The following RERE variants were observed in gnomAD, a reference collection of about 807,000 sequenced individuals.
RERE encodes the protein arginine-glutamic acid dipeptide repeats, also known as arginine-glutamic acid dipeptide repeats protein.
A neutral mutation model predicts 146.1 loss-of-function variants in RERE; 40 were observed. The observed-to-expected ratio is 0.27, with a 90% CI of 0.21 to 0.36. RERE has a LOEUF of 0.36. Ranked by LOEUF, RERE falls within the 10% of genes least tolerant of loss-of-function variation. RERE has a pLI of 1.00. For missense variants in RERE, 1,933 were observed against 2,138.7 expected (o/e 0.90, Z 1.90); for synonymous variants, 1,003 against 866.0 (o/e 1.16, Z -2.78).
chr1:8,723,878 T>C (rs1639908163), intron 1 of RERE, among the ~76,000 whole-genome samples: 1 of 152,170 alleles, frequency 6.6e-6, no homozygotes, highest in African/African-American at 2.4e-5. Context: ...GTATAAATCA[T>C]TAGGTGGGGA....
chr1:8,781,727 C>T (rs1641169333), intron 1 of RERE, among the ~76,000 whole-genome samples: 1 of 150,464 alleles, frequency 6.6e-6, no homozygotes. Flanking sequence ...AAATAGATTT[C>T]CAAAAATGTA....
At chr1:8,428,544 C>T (rs190220614) in intron 11 of RERE, 7 of 152,178 alleles carry the variant, frequency 4.6e-5, no homozygotes, top group African/African-American at 1.4e-4. Context: ...AGTTACCTAC[C>T]TACAAGTCCC....
At chr1:8,419,747 G>A (rs192819277) in intron 12 of RERE, among the ~76,000 whole-genome samples, 2 of 152,204 alleles carry the variant, frequency 1.3e-5, no homozygotes, top group East Asian at 3.9e-4. Context: ...TTTTACAAAC[G>A]CAGAAATTAA....
intron 1 of RERE, among the ~76,000 whole-genome samples, chr1:8,804,679 A>C (rs904853026): frequency 6.6e-6 from 1 of 152,232 alleles, no homozygotes; most frequent in Non-Finnish European, 1.5e-5. Context: ...GAGTGTGCCC[A>C]GCTTTTGCCT....
At chr1:8,741,780 G>A (rs1391081806) in intron 1 of RERE, among the ~76,000 whole-genome samples, 2 of 152,140 alleles carry the variant, frequency 1.3e-5, no homozygotes, top group Admixed American at 1.3e-4. Context: ...AATATAAGGG[G>A]AAGCATTTTA....
chr1:8,801,745 T>G (rs1641595379), intron 1 of RERE, among the ~76,000 whole-genome samples: 1 of 152,134 alleles, frequency 6.6e-6, no homozygotes. Context: ...GCTTTCAAAA[T>G]AAAAAGTAAA....
rs534562810 is a variant in RERE at position 8,553,312 on chromosome 1, G to A, written c.725+3163C>T. 1.4e-4 allele frequency among the ~76,000 whole-genome samples: 20 copies of A among 144,834 alleles called. No individual in the cohort carries two copies. In the South Asian group the frequency reaches 3.1e-3, roughly 23 times the overall value. On this transcript the variant is annotated intron_variant, in intron 6 of 22. Coordinates refer to ENST00000400908, the MANE Select transcript of RERE (RefSeq NM_001042681.2). ...TGACACTACACTACTAGGCCGGCAC[G>A]TCCACACACTCATGCAAAATTGCAC...
At chr1:8,519,746 T>C (rs1008428433) in intron 7 of RERE, 2 of 152,218 alleles carry the variant, frequency 1.3e-5, no homozygotes, top group South Asian at 2.1e-4. Flanking sequence ...GGATTTTATA[T>C]TTATTTTTTG....
At chr1:8,401,678 T>G (rs947830372) in intron 12 of RERE, among the ~76,000 whole-genome samples, 1 of 151,476 alleles carries the variant, frequency 6.6e-6, no homozygotes, top group Non-Finnish European at 1.5e-5. Flanking sequence ...GAGGACTGCT[T>G]AAGCCTGGGA....
At chr1:8,557,045 A>G (rs999738986) in intron 5 of RERE, among the ~76,000 whole-genome samples, 1 of 151,862 alleles carries the variant, frequency 6.6e-6, no homozygotes, top group African/African-American at 2.4e-5. Context: ...AGGAAAAAAA[A>G]AAAACAGAAA....
chr1:8,739,663 T>C (rs1640268982), intron 1 of RERE, among the ~76,000 whole-genome samples: 1 of 151,922 alleles, frequency 6.6e-6, no homozygotes, highest in South Asian at 2.1e-4. Context: ...AAGCAATAAA[T>C]CAATAACTGA....
At position 8,799,714 on chromosome 1, in the gene RERE, G is replaced by A. The variant is rs371452926; in HGVS notation, c.-145+17446C>T. Among the ~76,000 whole-genome samples the A allele has an allele frequency of 1.4e-3, 212 of 151,792 alleles. 5 individuals are homozygous for A. The South Asian group carries it at 0.042, about 30-fold the overall frequency. The stretch of plus-strand genomic sequence containing the variant: ...TTTGAATGAGGCCCAAAACAAATTC[G>A]TAAACTTTCTTAAAACATTATGAGT... On this transcript the variant is annotated intron_variant, in intron 1 of 22. Transcript: ENST00000400908.
intron 4 of RERE, among the ~76,000 whole-genome samples, chr1:8,602,200 C>T (rs956915327): frequency 1.3e-5 from 2 of 152,046 alleles, no homozygotes; most frequent in Admixed American, 1.3e-4. Flanking sequence ...ACCATCCTGG[C>T]CAACATGGTG....
rs567943074 is a variant in RERE at position 8,553,803 on chromosome 1, T to G, written c.725+2672A>C. On this transcript the variant is annotated intron_variant, in intron 6 of 22. Transcript: ENST00000400908. ...CACATTTACACATCTCCAAGAAACA[T>G]CTGATTGTAAACTTAGCTACAGTAA... Among the ~76,000 whole-genome samples the G allele has an allele frequency of 2.0e-5, 3 of 152,316 alleles. No individual in the cohort carries two copies. In the South Asian group the frequency reaches 6.2e-4, roughly 32 times the overall value.
intron 8 of RERE, among the ~76,000 whole-genome samples, chr1:8,499,555 T>C (rs1645101315): frequency 1.3e-5 from 2 of 152,210 alleles, no homozygotes; most frequent in Admixed American, 1.3e-4. Context: ...TCTTCACATT[T>C]ATGTAAAAGT....
intron 1 of RERE, chr1:8,786,305 AT>A (rs1641257851): frequency 1.1e-6 from 1 of 907,296 alleles, no homozygotes; most frequent in Non-Finnish European, 1.8e-6. Context: ...GGAGAAAATA[AT>A]TTGAAGGGCC....
chr1:8,734,718 T>A (rs926176573), intron 1 of RERE, among the ~76,000 whole-genome samples: 1 of 152,240 alleles, frequency 6.6e-6, no homozygotes, highest in African/African-American at 2.4e-5. Flanking sequence ...AAATGTCAGC[T>A]ATCATCATCA....
chr1:8,650,418 T>C (rs1313258711), intron 2 of RERE, among the ~76,000 whole-genome samples: 1 of 152,190 alleles, frequency 6.6e-6, no homozygotes, highest in African/African-American at 2.4e-5. Flanking sequence ...GCAATAAATA[T>C]TTGAAAAATC....
intron 1 of RERE, among the ~76,000 whole-genome samples, chr1:8,778,237 G>T (rs1253537923): frequency 6.6e-6 from 1 of 152,156 alleles, no homozygotes; most frequent in Non-Finnish European, 1.5e-5. Context: ...AAGTCTTTCT[G>T]CTGTATTCAG....
Sources: allele counts gnomAD v4.1 joint callset (sites outside exome capture counted in the v4.1 genomes callset), GRCh38; gene constraint gnomAD v4.1.1; transcripts MANE v1.5; gene names NCBI Gene and HGNC (gene_info 2026-07-23, HGNC 2026-07-21).